THBS4: variants seen among roughly 807,000 people sequenced by gnomAD.
The protein encoded by THBS4 is thrombospondin-4.
Under a neutral mutation model 115.7 loss-of-function variants are expected in THBS4, and 90 were observed. The ratio of observed to expected loss-of-function variants is 0.78; its 90% confidence interval spans 0.66 to 0.93. The LOEUF is 0.93. THBS4 is among the 40% of genes least tolerant of loss of function. THBS4 has a pLI of 0.00. For missense variants in THBS4, 1,087 were observed against 1,232.7 expected (o/e 0.88, Z 1.77); for synonymous variants, 460 against 479.3 (o/e 0.96, Z 0.53).
intron 2 of THBS4, among the ~76,000 whole-genome samples, chr5:80,030,133 G>C (rs534060569): frequency 6.6e-6 from 1 of 152,122 alleles, no homozygotes; most frequent in Admixed American, 6.5e-5. Flanking sequence ...GGAGTCCAAA[G>C]TCTGCCTTTC....
At chr5:80,001,731 G>A (rs1480690462) in intron 2 of THBS4, among the ~76,000 whole-genome samples, 2 of 152,140 alleles carry the variant, frequency 1.3e-5, no homozygotes, top group Non-Finnish European at 2.9e-5. Flanking sequence ...TTTCAGGAGG[G>A]TAAAGTGAGC....
chr5:80,002,710 G>A lies in THBS4; in HGVS notation n.177+4283G>A, dbSNP rs1831926896. ...GAGTCCTGTAATTGGAGATAGTAGAGAAACACTGGACAGCTGAGGAAACTC... is the reference window on the plus strand; with the variant it reads ...GAGTCCTGTAATTGGAGATAGTAGAAAAACACTGGACAGCTGAGGAAACTC... On this transcript the variant is annotated intron_variant and non_coding_transcript_variant, in intron 2 of 3. Transcript: ENST00000510218. Among the ~76,000 whole-genome samples the A allele has an allele frequency of 4.6e-5, 6 of 131,768 alleles. No individual in the cohort carries two copies. In the South Asian group the frequency reaches 1.2e-3, roughly 26 times the overall value. The allele number at this position is 131,768 out of a possible 152,430, so 86.4% of individuals were successfully genotyped here.
chr5:80,070,486 C>A, intron 11 of THBS4, 76 bp downstream of exon 11: 1 of 1,465,774 alleles, frequency 6.8e-7, no homozygotes, highest in Admixed American at 1.7e-5. Flanking sequence ...GGGAGAGGTT[C>A]TGTGGATCTA....
chr5:80,065,728 A>T (rs1385957555), intron 9 of THBS4, among the ~76,000 whole-genome samples: 1 of 152,250 alleles, frequency 6.6e-6, no homozygotes, highest in Non-Finnish European at 1.5e-5. Context: ...TTAGGCTATT[A>T]GATAACTATT....
intron 13 of THBS4, among the ~76,000 whole-genome samples, chr5:80,071,519 T>C (rs1188023774): frequency 1.3e-5 from 2 of 152,090 alleles, no homozygotes. Context: ...TTTCTACATG[T>C]GAGAGACCCA....
At position 80,080,896 on chromosome 5, in the gene THBS4, T is replaced by G. The variant is rs889231462; in HGVS notation, c.2684+819T>G. Among the ~76,000 whole-genome samples, 4 of 152,286 alleles carry G rather than the reference T, an allele frequency of 2.6e-5. No individual in the cohort carries two copies. In the East Asian group the frequency reaches 5.8e-4, roughly 22 times the overall value. On this transcript the variant is annotated intron_variant, in intron 20 of 21. Transcript: ENST00000350881. ...CACTGTGCCTAGCCATAGCTTATTA[T>G]TTTATCTTGATCTCCCCAGTGCCTA...
chr5:80,056,343 A>G (rs1378663636), intron 3 of THBS4, among the ~76,000 whole-genome samples: 3 of 152,228 alleles, frequency 2.0e-5, no homozygotes, highest in Non-Finnish European at 4.4e-5. Flanking sequence ...GACTCTGGAT[A>G]CAATTGTAAC....
intron 2 of THBS4, among the ~76,000 whole-genome samples, chr5:80,021,854 A>G (rs1294602039): frequency 6.6e-6 from 1 of 152,120 alleles, no homozygotes; most frequent in Non-Finnish European, 1.5e-5. Flanking sequence ...GTAGGCTCAA[A>G]ATTTCCACAA....
At chr5:80,033,599 T>C (rs1025297402), upstream of THBS4, among the ~76,000 whole-genome samples, 1 of 152,224 alleles carries the variant, frequency 6.6e-6, no homozygotes, top group African/African-American at 2.4e-5. Context: ...TATTGCTCTC[T>C]AGTCTCCCAT....
intron 15 of THBS4, chr5:80,075,379 C>T (rs955377974): frequency 2.0e-5 from 3 of 152,168 alleles, no homozygotes; most frequent in Non-Finnish European, 4.4e-5. Context: ...AGGTAAAGCT[C>T]CCGGCACAGT....
At position 80,042,599 on chromosome 5, in the gene THBS4, T is replaced by C. The variant is rs534561177; in HGVS notation, c.292+2319T>C. Among the ~76,000 whole-genome samples, 21 of 152,304 alleles carry C rather than the reference T, an allele frequency of 1.4e-4. 1 individual carries two copies. In the South Asian group the frequency reaches 4.4e-3, roughly 32 times the overall value. ...GTATAGACAAGAGTAACACTGGATT[T>C]AATGGGCAGTAGGTAGAGGGTAAGG... On this transcript the variant is annotated intron_variant, in intron 2 of 21. Transcript: ENST00000350881.
At chr5:80,077,479 G>A (rs993066993) in intron 16 of THBS4, among the ~76,000 whole-genome samples, 5 of 152,188 alleles carry the variant, frequency 3.3e-5, no homozygotes, top group Non-Finnish European at 7.3e-5. Context: ...GCAGGTGCCA[G>A]GCAGATAAGA....
At chr5:80,041,722 C>A (rs530749369) in intron 2 of THBS4, among the ~76,000 whole-genome samples, 8 of 152,302 alleles carry the variant, frequency 5.3e-5, no homozygotes, top group African/African-American at 1.9e-4. Context: ...TCCACTCCTT[C>A]CCCGGGGGAC....
intron 2 of THBS4, among the ~76,000 whole-genome samples, chr5:80,011,863 C>T (rs900463922): frequency 3.4e-5 from 5 of 148,422 alleles, no homozygotes; most frequent in South Asian, 2.2e-4. Flanking sequence ...TGCTGAGAAA[C>T]GATTCTGTTT....
At chr5:79,996,497 A>G (rs1278397032) in intron 1 of THBS4, among the ~76,000 whole-genome samples, 1 of 152,194 alleles carries the variant, frequency 6.6e-6, no homozygotes, top group East Asian at 1.9e-4. Context: ...CAGGAATTGA[A>G]AGAAGATGAA....
At chr5:80,052,497 ATACTT>A (rs1192511959) in intron 2 of THBS4, 1 of 152,156 alleles carries the variant, frequency 6.6e-6, no homozygotes, top group Non-Finnish European at 1.5e-5. Flanking sequence ...TATTTATTTA[ATACTT>A]TACTTCAGGA....
chr5:80,031,590 T>C (rs1028382434), upstream of THBS4, among the ~76,000 whole-genome samples: 1 of 152,248 alleles, frequency 6.6e-6, no homozygotes, highest in Non-Finnish European at 1.5e-5. Context: ...ATCTGTCAGC[T>C]TGATCTTGGC....
At chr5:80,082,584 G>T in intron 21 of THBS4, 39 bp downstream of exon 21, 1 of 1,609,818 alleles carries the variant, frequency 6.2e-7, no homozygotes. Flanking sequence ...ATTGTTACTA[G>T]AATTAGTCAA....
At chr5:80,010,645 G>A (rs1327540646) in intron 2 of THBS4, among the ~76,000 whole-genome samples, 2 of 152,220 alleles carry the variant, frequency 1.3e-5, no homozygotes, top group Non-Finnish European at 1.5e-5. Context: ...TGTACAGGAA[G>A]TTCACTATGG....
Sources: allele counts gnomAD v4.1 joint callset (sites outside exome capture counted in the v4.1 genomes callset), GRCh38; gene constraint gnomAD v4.1.1; transcripts MANE v1.5; gene names NCBI Gene and HGNC (gene_info 2026-07-23, HGNC 2026-07-21).